The following TKT variants were observed in gnomAD, a reference collection of about 807,000 sequenced individuals.
TKT encodes the protein epididymis luminal protein 107.
In TKT, 47 loss-of-function variants were observed where a neutral mutation model predicts 63.9. That is an observed-to-expected ratio of 0.74 (90% CI 0.58 to 0.94). TKT has a LOEUF of 0.94. Ranked by LOEUF, TKT falls within the 40% of genes least tolerant of loss-of-function variation. TKT has a pLI of 0.00. For synonymous variants in TKT, 338 were observed against 334.1 expected, an observed-to-expected ratio of 1.01 and a Z score of -0.13; for missense variants, 721 against 846.2, an observed-to-expected ratio of 0.85 and a Z score of 1.84.
At chr3:53,231,168 C>A (rs1327594893) in intron 7 of TKT, among the ~76,000 whole-genome samples, 189 bp downstream of exon 7, 1 of 152,178 alleles carries the variant, frequency 6.6e-6, no homozygotes, top group African/African-American at 2.4e-5. Context: ...CCGGTCTGAG[C>A]CTCTGCAGGT....
chr3:53,255,257 G>A (rs1553682108), intron 1 of TKT, among the ~76,000 whole-genome samples: 1 of 152,246 alleles, frequency 6.6e-6, no homozygotes, highest in East Asian at 1.9e-4. Context: ...TCTGAGGTGG[G>A]GAGAAGGCCG....
chr3:53,228,887 A>T lies in TKT; in HGVS notation c.1395+120T>A. On this transcript the variant is annotated intron_variant, in intron 10 of 13. Coordinates refer to ENST00000462138, the MANE Select transcript of TKT (RefSeq NM_001064.4). ...TCTAACTTCCACAAGCTACACGAAC[A>T]CCAGGGGCAAGGTCAGGAAACACCC... is the stretch of plus-strand genomic sequence containing the variant. 23 of 1,402,634 alleles carry T rather than the reference A, an allele frequency of 1.6e-5. 1 individual carries two copies. In the South Asian group the frequency reaches 3.0e-4, roughly 18 times the overall value. 86.9% of individuals were successfully genotyped at this position (1,402,634 alleles called of 1,614,324 possible).
chr3:53,232,221 A>C lies in TKT; in HGVS notation c.749-671T>G, dbSNP rs1575562349. On this transcript the variant is annotated intron_variant, in intron 6 of 13. Coordinates refer to ENST00000462138, the MANE Select transcript of TKT (RefSeq NM_001064.4). Reference sequence around the variant, plus strand: ...CGAAAGACTAGCAGGAGCCCCCAAGAAGCTGCAAGTGGTCCAGATCCTGCC... The same window carrying C: ...CGAAAGACTAGCAGGAGCCCCCAAGCAGCTGCAAGTGGTCCAGATCCTGCC... 1.8e-4 allele frequency: 72 copies of C among 398,030 alleles called. No homozygotes were observed. The East Asian group carries it at 2.5e-3, about 14-fold the overall frequency. The allele number at this position is 398,030 out of a possible 1,614,324, so 24.7% of individuals were successfully genotyped here.
At chr3:53,230,162 GAAGAGACCCCATTCACCACC>G (rs1484020031) in intron 8 of TKT, among the ~76,000 whole-genome samples, 1 of 152,180 alleles carries the variant, frequency 6.6e-6, no homozygotes, top group Non-Finnish European at 1.5e-5. Context: ...CCTCCACCTG[GAAGAGACCCCATTCACCACC>G]AGGCCTGGCC....
rs782590580 is a variant in TKT, at chr3:53,228,334, C to T, written c.1421G>A (p.Arg474His). The change falls in exon 11 of 14, where the codon CGC (arginine) becomes CAC (histidine). Residue 474 changes from arginine to histidine, a missense_variant. Arg to His is a conservative substitution (Grantham distance 29). Coordinates refer to ENST00000462138, the MANE Select transcript of TKT (RefSeq NM_001064.4). ...GTTATAGATGATGGCATTTTCTGGG[C>T]GGCTGGTCCGGATGAAGCAGATACC... ...TKGICFIRTS[R>H]PENAIIYNNN... The T allele has an allele frequency of 1.5e-5, 25 of 1,613,962 alleles. No homozygotes were observed. The highest frequency in any genetic ancestry group is 1.8e-5 in the Non-Finnish European group (21 of 1,180,024).
rs781860946 is a variant in TKT, at chr3:53,229,011, G to T, written c.1391C>A (p.Thr464Lys). 4.3e-6 allele frequency: 7 copies of T among 1,613,966 alleles called. No homozygotes were observed. In the African/African-American group the frequency reaches 6.7e-5, roughly 15 times the overall value. Residue 464 changes from threonine (T) to lysine (K), a missense_variant, in exon 10 of 14, where the codon ACA (threonine) becomes AAA (lysine). Transcript: ENST00000462138. ...AAGAACAGCCATGCAACCTACCTTT[G>T]TATTGGCGGCTAGTTCCACTGCCTT... Reference protein sequence around the residue: ...TEKAVELAANTKGICFIRTSR... With the variant: ...TEKAVELAANKKGICFIRTSR...
intron 2 of TKT, 39 bp from the exon 3 acceptor site, chr3:53,241,284 A>T: frequency 2.6e-6 from 4 of 1,564,174 alleles, no homozygotes; most frequent in Non-Finnish European, 3.5e-6. Flanking sequence ...TCAGGTGGGG[A>T]GCGGTTCTAC....
At chr3:53,240,142 T>C in intron 4 of TKT, 109 bp downstream of exon 4, 1 of 1,059,408 alleles carries the variant, frequency 9.4e-7, no homozygotes, top group Non-Finnish European at 1.4e-6. Context: ...TGTATTACTC[T>C]GCCCTAGCCA....
In TKT at chr3:53,240,349, C is replaced by T; in HGVS notation, c.340-1G>A. On this transcript the variant is annotated splice_acceptor_variant, in intron 3 of 13. Coordinates refer to ENST00000462138, the MANE Select transcript of TKT (RefSeq NM_001064.4). LOFTEE classifies it high-confidence loss of function. ...TGGCCACGTCGGTGAAAGCTTGTTT[C>T]TGTCATAACAGAAGGCCACCGTTAA... The T allele has an allele frequency of 6.2e-7, 1 of 1,611,052 alleles. No individual in the cohort carries two copies. Among genetic ancestry groups the T allele is most frequent in the South Asian group, 1.1e-5 (1 of 90,834 alleles).
chr3:53,242,838 C>A (rs1705343430), intron 1 of TKT, among the ~76,000 whole-genome samples: 2 of 152,192 alleles, frequency 1.3e-5, no homozygotes, highest in Non-Finnish European at 2.9e-5. Context: ...TTACCACAGA[C>A]CTCCCAGCAG....
At chr3:53,236,937 C>T (rs1277981848) in intron 4 of TKT, among the ~76,000 whole-genome samples, 1 of 152,210 alleles carries the variant, frequency 6.6e-6, no homozygotes, top group African/African-American at 2.4e-5. Context: ...TGCAAACATC[C>T]ATTCATGAAC....
intron 1 of TKT, among the ~76,000 whole-genome samples, chr3:53,248,075 A>G (rs1705592873): frequency 6.6e-6 from 1 of 152,180 alleles, no homozygotes; most frequent in Admixed American, 6.6e-5. Flanking sequence ...TTTCCTCACT[A>G]TAAAACGGAG....
At chr3:53,249,571 CGA>C (rs1705661453) in intron 1 of TKT, among the ~76,000 whole-genome samples, 2 of 151,888 alleles carry the variant, frequency 1.3e-5, no homozygotes, top group African/African-American at 4.8e-5. Flanking sequence ...GGTGACAGAG[CGA>C]GACTCTGTCA....
At chr3:53,226,685 A>T (rs1704510310) in intron 13 of TKT, 71 bp downstream of exon 13, 2 of 1,607,628 alleles carry the variant, frequency 1.2e-6, no homozygotes, top group South Asian at 2.2e-5. Context: ...GCTCAGATAG[A>T]AGAGGCACGT....
chr3:53,227,712 G>T, intron 12 of TKT: 1 of 244,912 alleles, frequency 4.1e-6, no homozygotes, highest in Non-Finnish European at 8.1e-6. Context: ...AAACAGGCAT[G>T]GTGACAGTGA....
chr3:53,247,044 CT>C (rs1705538776), intron 1 of TKT, among the ~76,000 whole-genome samples: 1 of 150,794 alleles, frequency 6.6e-6, no homozygotes, highest in Admixed American at 6.6e-5. Context: ...CATCATTTAT[CT>C]TCTTCTTTAT....
At position 53,232,112 on chromosome 3, in the gene TKT, C is replaced by T. The variant is rs1704791890; in HGVS notation, c.749-562G>A. On this transcript the variant is annotated intron_variant, in intron 6 of 13. Transcript: ENST00000462138. ...GTGCGGCCAGGAAGGCTGAATATCC[C>T]TCTCCCTGGAGGTCACCTCAGTAGT... 6 of 376,020 alleles carry T rather than the reference C, an allele frequency of 1.6e-5. No homozygotes were observed. In the South Asian group the frequency reaches 8.7e-4, roughly 54 times the overall value. 23.3% of individuals were successfully genotyped at this position (376,020 alleles called of 1,614,324 possible).
chr3:53,241,001 C>T, intron 3 of TKT, 131 bp downstream of exon 3: 1 of 748,524 alleles, frequency 1.3e-6, no homozygotes, highest in Non-Finnish European at 2.0e-6. Context: ...TCTTTCCTTC[C>T]TCAACTCAAT....
chr3:53,227,516 T>TCGTGCTAAAACA (rs1362211957), intron 12 of TKT: 5 of 158,834 alleles, frequency 3.1e-5, no homozygotes, highest in African/African-American at 1.2e-4. Context: ...GCCCCCTCTT[T>TCGTGCTAAAACA]CGTGCTAAAA....
Sources: gnomAD v4.1 joint callset for allele counts (sites outside exome capture counted in the v4.1 genomes callset) on GRCh38, gnomAD v4.1.1 for gene constraint, MANE v1.5 for transcripts, NCBI Gene and HGNC (gene_info 2026-07-23, HGNC 2026-07-21) for gene names.